ADAMTS6: variants seen among roughly 807,000 people sequenced by gnomAD.
ADAMTS6 encodes ADAM metallopeptidase with thrombospondin type 1 motif 6.
A neutral mutation model predicts 144.3 loss-of-function variants in ADAMTS6; 23 were observed. The observed-to-expected ratio is 0.16, with a 90% CI of 0.11 to 0.23. The LOEUF (loss-of-function observed/expected upper bound fraction) is 0.23. Ranked by LOEUF, ADAMTS6 falls within the 10% of genes least tolerant of loss-of-function variation. ADAMTS6 has a pLI of 1.00. For missense variants in ADAMTS6, 999 were observed against 1,379.6 expected, an observed-to-expected ratio of 0.72 and a Z score of 4.37; for synonymous variants, 444 against 457.5, an observed-to-expected ratio of 0.97 and a Z score of 0.38.
At chr5:65,321,459 T>A (rs752908928) in intron 9 of ADAMTS6, among the ~76,000 whole-genome samples, 1 of 152,142 alleles carries the variant, frequency 6.6e-6, no homozygotes, top group Non-Finnish European at 1.5e-5. Flanking sequence ...AGATGCATAG[T>A]CTGCAAAAAT....
At chr5:65,431,214 T>C (rs1163851588) in intron 7 of ADAMTS6, among the ~76,000 whole-genome samples, 2 of 152,092 alleles carry the variant, frequency 1.3e-5, no homozygotes, top group African/African-American at 4.8e-5. Flanking sequence ...ACATTATATG[T>C]CTCATAGGCT....
rs989119246 is a variant in ADAMTS6, at chr5:65,191,171, C to A, written c.2706-2951G>T. Among the ~76,000 whole-genome samples, 3 of 152,076 alleles carry A rather than the reference C, an allele frequency of 2.0e-5. No homozygotes were observed. In the South Asian group the frequency reaches 6.2e-4, roughly 32 times the overall value. ...ACAAATTGTCTTTATCTTCACAAGT[C>A]CTTCATAGCTATTAGACATTAACAA... is the stretch of plus-strand genomic sequence containing the variant. On this transcript the variant is annotated intron_variant, in intron 21 of 24. Transcript: ENST00000381055.
At chr5:65,175,672 G>A (rs1443168460) in intron 22 of ADAMTS6, among the ~76,000 whole-genome samples, 1 of 151,322 alleles carries the variant, frequency 6.6e-6, no homozygotes, top group Non-Finnish European at 1.5e-5. Context: ...ACCTCATTGT[G>A]AGCACATCTC....
Position 65,260,638 on chromosome 5 carries a change from G to A in ADAMTS6, c.1792C>T (p.Leu598Phe), listed in dbSNP as rs1761107600. ...GAGCGATACCGTTTCCTTTCCCCAA[G>A]GCAATATTTTCCACCTCCTGAAGGT... The part of the protein sequence containing the change: ...PAPSGGGKYC[L>F]GERKRYRSCN... Residue 598 changes from leucine (L) to phenylalanine (F), a missense_variant, in exon 14 of 25, where the codon CTT (leucine) becomes TTT (phenylalanine). Leu to Phe is a conservative substitution (Grantham distance 22). This residue lies in a region of ADAMTS6 where 619 missense variants were observed against 837.0 expected (regional missense o/e 0.74). Transcript: ENST00000381055. The A allele has an allele frequency of 1.2e-6, 2 of 1,613,258 alleles. No homozygotes were observed. Among genetic ancestry groups the A allele is most frequent in the African/African-American group, 1.3e-5 (1 of 74,832 alleles).
chr5:65,302,223 T>C (rs1743487446), intron 9 of ADAMTS6, among the ~76,000 whole-genome samples: 1 of 144,678 alleles, frequency 6.9e-6, no homozygotes. Context: ...ATTATATACT[T>C]ATACATATAA....
intron 11 of ADAMTS6, among the ~76,000 whole-genome samples, chr5:65,275,211 G>T (rs1336628163): frequency 1.9e-5 from 1 of 51,760 alleles, no homozygotes; most frequent in African/African-American, 8.5e-5. Context: ...GAGGCTCTGT[G>T]TCAAAAAAAA....
intron 15 of ADAMTS6, among the ~76,000 whole-genome samples, chr5:65,238,125 C>T (rs1050939910): frequency 4.6e-5 from 7 of 151,738 alleles, no homozygotes; most frequent in Admixed American, 4.6e-4. Context: ...TCAAATCTAT[C>T]AGGTCACTCA....
At chr5:65,307,107 C>A (rs913588352) in intron 9 of ADAMTS6, among the ~76,000 whole-genome samples, 12 of 152,122 alleles carry the variant, frequency 7.9e-5, no homozygotes, top group African/African-American at 2.9e-4. Flanking sequence ...TGGGGATTTA[C>A]TTCCATATTA....
At chr5:65,262,188 C>T (rs1252257923) in intron 13 of ADAMTS6, among the ~76,000 whole-genome samples, 1 of 152,138 alleles carries the variant, frequency 6.6e-6, no homozygotes, top group African/African-American at 2.4e-5. Context: ...ATGGTGCTGG[C>T]CTTGTGCCAG....
intron 13 of ADAMTS6, 23 bp from the exon 14 acceptor site, chr5:65,260,686 A>T (rs1166264472): frequency 6.3e-7 from 1 of 1,586,504 alleles, no homozygotes. Flanking sequence ...TGTGTTTAAA[A>T]TGTGAATACT....
chr5:65,198,787 A>G (rs1755550442), intron 20 of ADAMTS6: 1 of 161,750 alleles, frequency 6.2e-6, no homozygotes, highest in African/African-American at 2.4e-5. Flanking sequence ...CTTCCCTCCC[A>G]ACCCCTAAAA....
intron 7 of ADAMTS6, among the ~76,000 whole-genome samples, chr5:65,428,882 A>G (rs1756767952): frequency 6.6e-6 from 1 of 152,254 alleles, no homozygotes. Context: ...AAATGCCATT[A>G]GGAGAAAAAG....
At chr5:65,290,722 A>T (rs193157045) in intron 11 of ADAMTS6, among the ~76,000 whole-genome samples, 2 of 152,298 alleles carry the variant, frequency 1.3e-5, no homozygotes, top group East Asian at 1.9e-4. Context: ...ACTTAAAAAG[A>T]ATTTTATTCA....
chr5:65,450,810 C>T (rs1758682059), intron 7 of ADAMTS6, among the ~76,000 whole-genome samples: 1 of 152,070 alleles, frequency 6.6e-6, no homozygotes, highest in African/African-American at 2.4e-5. Context: ...AACATAATAA[C>T]ACTATCTACA....
chr5:65,292,462 A>G (rs1742414688), intron 10 of ADAMTS6, among the ~76,000 whole-genome samples: 1 of 151,690 alleles, frequency 6.6e-6, no homozygotes, highest in African/African-American at 2.4e-5. Context: ...AAGTTCCTCA[A>G]CTGTTATTTA....
intron 4 of ADAMTS6, among the ~76,000 whole-genome samples, chr5:65,457,947 G>A (rs867270671): frequency 2.0e-5 from 3 of 151,558 alleles, no homozygotes; most frequent in Admixed American, 6.6e-5. Flanking sequence ...GGATGGTCTC[G>A]ATCTCCTGAC....
intron 11 of ADAMTS6, among the ~76,000 whole-genome samples, chr5:65,286,935 A>T (rs1394808805): frequency 6.6e-6 from 1 of 152,230 alleles, no homozygotes; most frequent in African/African-American, 2.4e-5. Flanking sequence ...GGAAAATGGA[A>T]GAGACAACAG....
chr5:65,268,702 C>T (rs1357034097), intron 12 of ADAMTS6, among the ~76,000 whole-genome samples: 2 of 152,262 alleles, frequency 1.3e-5, no homozygotes, highest in African/African-American at 4.8e-5. Context: ...CCAGGACTCA[C>T]GCAAAGATCA....
chr5:65,261,947 G>GA (rs11427401), intron 13 of ADAMTS6, among the ~76,000 whole-genome samples: 46,590 of 148,230 alleles, frequency 0.31, 7,340 homozygotes, highest in Admixed American at 0.39. Flanking sequence ...TTCAGAATGA[G>GA]AAAAAAAAAA....
Sources: gnomAD v4.1 joint callset for allele counts (sites outside exome capture counted in the v4.1 genomes callset) on GRCh38, gnomAD v4.1.1 for gene constraint, gnomAD v4.1.1 regional missense constraint, MANE v1.5 for transcripts, NCBI Gene and HGNC (gene_info 2026-07-23, HGNC 2026-07-21) for gene names.